The following CIDEA variants were observed in gnomAD, a reference collection of about 807,000 sequenced individuals.
CIDEA encodes the protein cell death inducing DFFA like effector a, also known as lipid transferase CIDEA.
CIDEA carries 10 observed loss-of-function variants against 18.2 expected under a neutral mutation model. That is an observed-to-expected ratio of 0.55 (90% CI 0.34 to 0.93). CIDEA has a LOEUF of 0.93. Ranked by LOEUF, CIDEA falls within the 40% of genes least tolerant of loss-of-function variation. The probability of loss-of-function intolerance (pLI) is 0.02; values close to 1 mark genes in which losing one functional copy is unlikely to be tolerated. For missense variants in CIDEA, 309 were observed against 293.1 expected (o/e 1.05, Z -0.40); for synonymous variants, 128 against 124.8 (o/e 1.03, Z -0.17).
At chr18:12,265,350 A>AGTT (rs1440344501) in intron 3 of CIDEA, among the ~76,000 whole-genome samples, 2 of 152,270 alleles carry the variant, frequency 1.3e-5, no homozygotes, top group African/African-American at 4.8e-5. Flanking sequence ...AGAGAGGAAC[A>AGTT]CGAACACTGA....
At chr18:12,270,894 C>CTT (rs771335202) in intron 3 of CIDEA, among the ~76,000 whole-genome samples, 6,462 of 59,908 alleles carry the variant, frequency 0.11, 446 homozygotes, top group Middle Eastern at 0.2. Flanking sequence ...TTTTTCTTTT[C>CTT]TTTTTTTTTT....
chr18:12,270,982 T>TCCA (rs1275733356), intron 3 of CIDEA, among the ~76,000 whole-genome samples: 3 of 125,744 alleles, frequency 2.4e-5, no homozygotes, highest in African/African-American at 8.8e-5. Flanking sequence ...CACTGCAACC[T>TCCA]CCACCTCCAG....
rs143031450 is a variant in CIDEA at position 12,277,233 on chromosome 18, T to A, written c.623T>A (p.Leu208His). The change falls in exon 5 of 5, where the codon CTC becomes CAC. Residue 208 changes from leucine to histidine, a missense_variant. Physicochemically the swap from Leu to His is moderately conservative, Grantham distance 99. Coordinates refer to ENST00000320477, the MANE Select transcript of CIDEA (RefSeq NM_001279.4). ...VLDDKEERPS[L>H]RSQAKGRFTC... ...GATGACAAGGAAGAGCGGCCATCCC[T>A]CCGGTCACAAGCCAAGGGCAGGTTC... The A allele has an allele frequency of 3.5e-5, 57 of 1,613,962 alleles. No individual in the cohort carries two copies. The highest frequency in any genetic ancestry group is 4.7e-5 in the Non-Finnish European group (55 of 1,180,018).
chr18:12,270,400 G>A (rs866917957), intron 3 of CIDEA, among the ~76,000 whole-genome samples: 1 of 152,066 alleles, frequency 6.6e-6, no homozygotes. Flanking sequence ...AATCTTTAAT[G>A]TAGATGAGGG....
chr18:12,254,517 G>C (rs143163858), intron 1 of CIDEA, 96 bp downstream of exon 1: 3 of 1,539,248 alleles, frequency 1.9e-6, no homozygotes, highest in Non-Finnish European at 2.6e-6. Flanking sequence ...ACCGTACCCC[G>C]CTCCCTTCAG....
rs562843054 is a variant in CIDEA at position 12,272,357 on chromosome 18, C to T, written c.331-1736C>T. ...CCTTCTGAGTAGCTGGGATTACAGG[C>T]GTGCACCACCATGCCTGGCTAATTT... On this transcript the variant is annotated intron_variant, in intron 3 of 4. Transcript: ENST00000320477. Among the ~76,000 whole-genome samples, 255 of 152,148 alleles carry T rather than the reference C, an allele frequency of 1.7e-3. 1 individual carries two copies. The highest frequency in any genetic ancestry group is 6.8e-3 in the Middle Eastern group (2 of 292).
chr18:12,255,940 AG>A (rs1912020484), intron 1 of CIDEA, among the ~76,000 whole-genome samples: 1 of 152,180 alleles, frequency 6.6e-6, no homozygotes, highest in African/African-American at 2.4e-5. Flanking sequence ...TCATCCCAGG[AG>A]TGAATGACTC....
Position 12,270,894 on chromosome 18 carries a change from C to CCTT in CIDEA, c.331-3199_331-3198insCTT, listed in dbSNP as rs1555662488. Among the ~76,000 whole-genome samples, 318 of 60,026 alleles carry CCTT rather than the reference C, an allele frequency of 5.3e-3. 3 individuals are homozygous for CCTT. Among genetic ancestry groups the CCTT allele is most frequent in the African/African-American group, 0.021 (312 of 14,826 alleles). 39.4% of individuals were successfully genotyped at this position (60,026 alleles called of 152,430 possible). A position where few individuals can be genotyped will look rare whatever the true frequency, so the allele number is the denominator to read the frequency against. On this transcript the variant is annotated intron_variant, in intron 3 of 4. Transcript: ENST00000320477. ...TTTCTTTTCTTTTTCTTTTTCTTTT[C>CCTT]TTTTTTTTTTTTTTTTTTTTTTTGA...
intron 3 of CIDEA, among the ~76,000 whole-genome samples, chr18:12,272,147 T>TGGGGGGGGGGGGGGGGGGGG (rs1259474425): frequency 6.8e-4 from 1 of 1,476 alleles, no homozygotes; most frequent in Non-Finnish European, 1.5e-3. Flanking sequence ...TGAGTGTGTG[T>TGGGGGGGGGGGGGGGGGGGG]GTGGGGGGGG....
rs537938047 is a variant in CIDEA at position 12,264,093 on chromosome 18, G to T, written c.184-214G>T. Among the ~76,000 whole-genome samples, 9 of 152,286 alleles carry T rather than the reference G, an allele frequency of 5.9e-5. No individual in the cohort carries two copies. The East Asian group carries it at 1.7e-3, about 29-fold the overall frequency. ...TAGCCACTGCACTCCAGCCTGGGCAGCATAGTGGGTCCCCATCTTAAAAAG... is the reference window on the plus strand; with the variant it reads ...TAGCCACTGCACTCCAGCCTGGGCATCATAGTGGGTCCCCATCTTAAAAAG... On this transcript the variant is annotated intron_variant, in intron 2 of 4. Transcript: ENST00000320477.
chr18:12,266,571 T>C (rs898696461), intron 3 of CIDEA, among the ~76,000 whole-genome samples: 1 of 152,094 alleles, frequency 6.6e-6, no homozygotes, highest in Admixed American at 6.5e-5. Flanking sequence ...ATCAAGTAAA[T>C]GGAGACTCAG....
At chr18:12,270,469 T>A (rs1265238071) in intron 3 of CIDEA, among the ~76,000 whole-genome samples, 1 of 152,016 alleles carries the variant, frequency 6.6e-6, no homozygotes, top group Non-Finnish European at 1.5e-5. Flanking sequence ...GGTGGGTGGA[T>A]CACAAGGTCA....
At chr18:12,272,159 GGGT>G (rs1912561296) in intron 3 of CIDEA, among the ~76,000 whole-genome samples, 1 of 14,158 alleles carries the variant, frequency 7.1e-5, no homozygotes, top group African/African-American at 1.3e-4. Flanking sequence ...TGGGGGGGGG[GGGT>G]TGGGGGGGGG....
chr18:12,264,623 G>C (rs998030379), intron 3 of CIDEA, among the ~76,000 whole-genome samples, 170 bp downstream of exon 3: 1 of 151,646 alleles, frequency 6.6e-6, no homozygotes, highest in Non-Finnish European at 1.5e-5. Flanking sequence ...GCGCGATCTC[G>C]GCTCACTGCA....
intron 3 of CIDEA, among the ~76,000 whole-genome samples, chr18:12,265,771 C>T (rs918509883): frequency 3.9e-5 from 6 of 152,116 alleles, no homozygotes; most frequent in Admixed American, 6.6e-5. Context: ...TCATTCGTAA[C>T]GTTCTCACAA....
rs138955580 is a variant in CIDEA at position 12,274,253 on chromosome 18, C to T, written c.491C>T (p.Thr164Met). 1.5e-5 allele frequency: 25 copies of T among 1,614,024 alleles called. No homozygotes were observed. The highest frequency in any genetic ancestry group is 9.3e-5 in the African/African-American group (7 of 74,938). ...TCCGTGTCCTACGACATCCGGTGCACGGGACTCAAGGGCCTGCTGAGGTAA... is the reference window on the plus strand; with the variant it reads ...TCCGTGTCCTACGACATCCGGTGCATGGGACTCAAGGGCCTGCTGAGGTAA... ...MYSVSYDIRC[T>M]GLKGLLRSLL... is the part of the protein sequence containing the mutation. Residue 164 changes from threonine to methionine, a missense_variant, in exon 4 of 5, where the codon ACG (threonine) becomes ATG (methionine). By Grantham distance (81) the Thr-to-Met change is moderately conservative. Transcript: ENST00000320477.
At chr18:12,260,034 T>A (rs1416422272) in intron 1 of CIDEA, among the ~76,000 whole-genome samples, 1 of 152,154 alleles carries the variant, frequency 6.6e-6, no homozygotes, top group Non-Finnish European at 1.5e-5. Context: ...GAACGACACT[T>A]TGTTGGTGAG....
At chr18:12,266,854 G>A (rs188511015) in intron 3 of CIDEA, among the ~76,000 whole-genome samples, 2 of 149,510 alleles carry the variant, frequency 1.3e-5, no homozygotes, top group African/African-American at 4.9e-5. Context: ...TCTGCCTCCC[G>A]AGTTCAGGTG....
chr18:12,258,358 G>A (rs1451901531), intron 1 of CIDEA, among the ~76,000 whole-genome samples: 1 of 152,244 alleles, frequency 6.6e-6, no homozygotes, highest in Non-Finnish European at 1.5e-5. Context: ...ATGAGGAGAT[G>A]CAGGGCCAGG....
Sources: gnomAD v4.1 joint callset for allele counts (sites outside exome capture counted in the v4.1 genomes callset) on GRCh38, gnomAD v4.1.1 for gene constraint, MANE v1.5 for transcripts, NCBI Gene and HGNC (gene_info 2026-07-23, HGNC 2026-07-21) for gene names.